RTL1: variants seen among roughly 807,000 people sequenced by gnomAD.
The protein encoded by RTL1 is retrotransposon Gag like 1, also known as retrotransposon-like protein 1.
For synonymous variants in RTL1, 727 were observed against 748.4 expected (o/e 0.97, Z 0.47); for missense variants, 1,681 against 1,767.5 (o/e 0.95, Z 0.88).
intron 3 of RTL1, among the ~76,000 whole-genome samples, chr14:100,888,721 G>A (rs1249327484): frequency 6.6e-6 from 1 of 152,114 alleles, no homozygotes; most frequent in Non-Finnish European, 1.5e-5. Context: ...AGTTTTATTG[G>A]CTAAATCAAA....
chr14:100,900,368 G>A (rs906482455), intron 2 of RTL1, among the ~76,000 whole-genome samples: 5 of 152,196 alleles, frequency 3.3e-5, no homozygotes, highest in Admixed American at 6.5e-5. Context: ...TTACACAAAA[G>A]GGAACCTCCT....
intron 3 of RTL1, among the ~76,000 whole-genome samples, chr14:100,890,144 T>A (rs903165729): frequency 6.9e-6 from 1 of 144,128 alleles, no homozygotes; most frequent in Non-Finnish European, 1.5e-5. Flanking sequence ...GCCTTTGAGG[T>A]CTTCGAATGG....
At chr14:100,889,666 C>T (rs973634619) in intron 3 of RTL1, 7 of 152,256 alleles carry the variant, frequency 4.6e-5, no homozygotes, top group African/African-American at 1.7e-4. Flanking sequence ...GCTCGATCCC[C>T]AATGGAAGGA....
chr14:100,890,144 T>C (rs903165729), intron 3 of RTL1, among the ~76,000 whole-genome samples: 14 of 144,130 alleles, frequency 9.7e-5, no homozygotes, highest in Admixed American at 4.2e-4. Flanking sequence ...GCCTTTGAGG[T>C]CTTCGAATGG....
At chr14:100,888,430 A>G (rs1164437842) in intron 3 of RTL1, among the ~76,000 whole-genome samples, 2 of 152,106 alleles carry the variant, frequency 1.3e-5, no homozygotes, top group Non-Finnish European at 2.9e-5. Context: ...AAAAAACCCC[A>G]AATCTCATCC....
At chr14:100,900,988 G>A (rs1375397523) in intron 2 of RTL1, among the ~76,000 whole-genome samples, 1 of 152,108 alleles carries the variant, frequency 6.6e-6, no homozygotes, top group Non-Finnish European at 1.5e-5. Flanking sequence ...GCCTAACTGA[G>A]CTGCCAGGGC....
intron 2 of RTL1, among the ~76,000 whole-genome samples, chr14:100,896,330 G>C (rs1426505697): frequency 6.6e-6 from 1 of 152,158 alleles, no homozygotes; most frequent in Non-Finnish European, 1.5e-5. Flanking sequence ...GTCTGCATTA[G>C]CTTGGTGAGA....
In RTL1 at chr14:100,882,490, T is replaced by C; in HGVS notation, c.2299A>G (p.Lys767Glu). Residue 767 changes from lysine (K) to glutamate (E), a missense_variant, in exon 4 of 4, where the codon AAG becomes GAG. Coordinates refer to ENST00000649591, the MANE Select transcript of RTL1 (RefSeq NM_001134888.3). ...ACGGTTTGGCGGTGGAACTGGCTCT[T>C]GTCCAGGGAGCAGTAGACGTTGTGA... Reference protein sequence around the residue: ...RHHNVYCSLDKSQFHRQTVEF... With the variant: ...RHHNVYCSLDESQFHRQTVEF... 6.4e-7 allele frequency: 1 copy of C among 1,551,952 alleles called. No individual in the cohort carries two copies. The highest frequency in any genetic ancestry group is 8.7e-7 in the Non-Finnish European group (1 of 1,147,096).
intron 2 of RTL1, among the ~76,000 whole-genome samples, chr14:100,895,644 A>T (rs1243981970): frequency 6.6e-6 from 1 of 152,138 alleles, no homozygotes; most frequent in Non-Finnish European, 1.5e-5. Flanking sequence ...AGGCAATGGC[A>T]TATCTTTCAT....
rs1333310477 is a variant in RTL1, at chr14:100,881,308, G to A, written c.3481C>T (p.Gln1161Ter). Residue 1161 changes from glutamine to a stop codon, truncating the protein, a stop_gained, in exon 4 of 4, where the codon CAG (glutamine) becomes TAG (stop). Coordinates refer to ENST00000649591, the MANE Select transcript of RTL1 (RefSeq NM_001134888.3). LOFTEE classifies it low-confidence loss of function (END_TRUNC). The surrounding 1 kb of genome is among the most constrained non-coding windows in gnomAD (Gnocchi z 6.6). ...CCCAGGAACAGCTCAGCCAGCTCCT[G>A]GGCTGGGATGGTGTTTGCACCTACG... The part of the protein sequence containing the change: ...ALVGANTIPA[Q>*]ELAELFLGPG... 4.5e-6 allele frequency: 7 copies of A among 1,550,500 alleles called. No homozygotes were observed. Among genetic ancestry groups the A allele is most frequent in the Non-Finnish European group, 6.1e-6 (7 of 1,147,008 alleles).
rs562071899 is a variant in RTL1 at position 100,903,338 on chromosome 14, C to T, written c.-196G>A. On this transcript the variant is annotated 5_prime_UTR_variant, in exon 2 of 4. Transcript: ENST00000649591. The stretch of plus-strand genomic sequence containing the variant: ...CGTGAGGCTGGGGATGAAGTGATGC[C>T]GGTGGCTTAGTGATGCCGGTGGCTT... Among the ~76,000 whole-genome samples the T allele has an allele frequency of 5.5e-3, 833 of 152,124 alleles. 5 individuals carry two copies. Among genetic ancestry groups the T allele is most frequent in the Non-Finnish European group, 9.4e-3 (642 of 67,990 alleles).
At chr14:100,889,385 A>G (rs1453411369) in intron 3 of RTL1, among the ~76,000 whole-genome samples, 17 of 152,186 alleles carry the variant, frequency 1.1e-4, no homozygotes, top group Admixed American at 1.1e-3. Flanking sequence ...AAATCTTTGG[A>G]TTGCTCTTCT....
intron 3 of RTL1, among the ~76,000 whole-genome samples, chr14:100,887,576 A>G (rs2038711004): frequency 1.3e-5 from 2 of 152,178 alleles, no homozygotes; most frequent in African/African-American, 2.4e-5. Context: ...CAACATGGTG[A>G]AATCCTGTTT....
In RTL1 at chr14:100,881,690, T is replaced by G. The variant is rs2140034226; in HGVS notation, c.3099A>C (p.Glu1033Asp). The G allele has an allele frequency of 6.4e-7, 1 of 1,561,062 alleles. No homozygotes were observed. The highest frequency in any genetic ancestry group is 1.4e-5 in the African/African-American group (1 of 73,478). Residue 1033 changes from glutamate to aspartate, a missense_variant, in exon 4 of 4, where the codon GAA becomes GAC. Transcript: ENST00000649591. This position sits in a 1 kb window ranked among gnomAD's most constrained non-coding sequence, Gnocchi z 6.6. ...TGAGCTCATCCTGTTCTTCATTCTC[T>G]TCTTCCCCGGATTCCGTCGATGGAT... Reference protein sequence around the residue: ...PRDPSTESGEEENEEQDELNE... With the variant: ...PRDPSTESGEDENEEQDELNE...
chr14:100,884,460 C>CA lies in RTL1; in HGVS notation c.328_329insT (p.Arg110MetfsTer10). The CA allele has an allele frequency of 6.2e-7, 1 of 1,614,200 alleles. No homozygotes were observed. The highest frequency in any genetic ancestry group is 8.5e-7 in the Non-Finnish European group (1 of 1,180,040). ...AGATGCTCCACTGAGTGGATCCCCC[C>CA]TTGCCTGGTGTGAACCGTTGCATGA... is the stretch of plus-strand genomic sequence containing the variant. On this transcript the variant is annotated frameshift_variant, in exon 4 of 4. Transcript: ENST00000649591. LOFTEE classifies it low-confidence loss of function (END_TRUNC).
intron 3 of RTL1, among the ~76,000 whole-genome samples, chr14:100,891,099 G>C (rs2038770504): frequency 6.6e-6 from 1 of 152,086 alleles, no homozygotes; most frequent in Non-Finnish European, 1.5e-5. Flanking sequence ...TAAGGAGTTT[G>C]GGTTGGGTCC....
In RTL1 at chr14:100,893,628, C is replaced by T. The variant is rs546569244; in HGVS notation, c.-148-123G>A. ...ACAGTCTTCCAGCCTGCTCTGCTCG[C>T]GTGCCTTTCTGTTGTGAGCTTTTTT... On this transcript the variant is annotated intron_variant, in intron 2 of 3. Transcript: ENST00000649591. This position sits in a 1 kb window ranked among gnomAD's most constrained non-coding sequence, Gnocchi z 4.2. 1.2e-4 allele frequency among the ~76,000 whole-genome samples: 19 copies of T among 152,366 alleles called. No individual in the cohort carries two copies. Among genetic ancestry groups the T allele is most frequent in the South Asian group, 1.2e-3 (6 of 4,830 alleles).
Position 100,881,148 on chromosome 14 carries a change from A to G in RTL1, c.3641T>C (p.Leu1214Pro). 1 of 1,548,664 alleles carries G rather than the reference A, an allele frequency of 6.5e-7. No homozygotes were observed. Among genetic ancestry groups the G allele is most frequent in the Non-Finnish European group, 8.7e-7 (1 of 1,145,206 alleles). The change falls in exon 4 of 4, where the codon CTG (leucine) becomes CCG (proline). Residue 1214 changes from leucine to proline, a missense_variant. Physicochemically the swap from Leu to Pro is moderately conservative, Grantham distance 98. Coordinates refer to ENST00000649591, the MANE Select transcript of RTL1 (RefSeq NM_001134888.3). The surrounding 1 kb of genome is among the most constrained non-coding windows in gnomAD (Gnocchi z 6.6). ...VTPQEGHLPA[L>P]RQNRYLELHV... ...CAGCTCCAGGTAGCGGTTCTGACGC[A>G]GGGCAGGGAGGTGGCCCTCCTGGGG... is the stretch of plus-strand genomic sequence containing the variant.
chr14:100,896,191 G>A (rs1289377267), intron 2 of RTL1, among the ~76,000 whole-genome samples: 2 of 152,206 alleles, frequency 1.3e-5, no homozygotes, highest in South Asian at 2.1e-4. Flanking sequence ...TCACGTGCAG[G>A]AAAGGCGATT....
Sources: allele counts gnomAD v4.1 joint callset (sites outside exome capture counted in the v4.1 genomes callset), GRCh38; gene constraint gnomAD v4.1.1; non-coding constraint Gnocchi (gnomAD v3.1); transcripts MANE v1.5; gene names NCBI Gene and HGNC (gene_info 2026-07-23, HGNC 2026-07-21).